FGF13: variants seen among roughly 807,000 people sequenced by gnomAD.
FGF13 encodes fibroblast growth factor homologous factor 2.
A neutral mutation model predicts 19.5 loss-of-function variants in FGF13; 2 were observed. The ratio of observed to expected loss-of-function variants is 0.10; its 90% CI spans 0.04 to 0.32. The LOEUF is 0.32. Ranked by LOEUF, FGF13 falls within the 10% of genes least tolerant of loss-of-function variation. The pLI is 1.00. For synonymous variants in FGF13, 72 were observed against 76.9 expected, an observed-to-expected ratio of 0.94 and a Z score of 0.33; for missense variants, 113 against 192.7, an observed-to-expected ratio of 0.59 and a Z score of 2.45.
intron 1 of FGF13, among the ~76,000 whole-genome samples, chrX:139,065,612 C>T: frequency 9.1e-6 from 1 of 110,186 alleles, no homozygotes; most frequent in Non-Finnish European, 1.9e-5. Flanking sequence ...TCAATACAAC[C>T]AGAAGAGCTA....
chrX:139,030,058 G>A (rs1158498220), intron 1 of FGF13, among the ~76,000 whole-genome samples: 2 of 111,734 alleles, frequency 1.8e-5, no homozygotes, highest in African/African-American at 6.5e-5. Context: ...AAAACATGTG[G>A]ACTGTCTGCA....
In FGF13 at chrX:139,078,052, TTTTG is replaced by T. The variant is rs747190110; in HGVS notation, c.-113+125360_-113+125363del. 2.7e-5 allele frequency among the ~76,000 whole-genome samples: 3 copies of T among 110,834 alleles called. No individual in the cohort carries two copies. The South Asian group carries it at 1.1e-3, about 42-fold the overall frequency. On this transcript the variant is annotated intron_variant, in intron 1 of 2. Coordinates refer to the FGF13 transcript ENST00000421460. ...GCCAGAGCTTAAGCTTGTGGTGGAT[TTTTG>T]TTTGTTTGTTTGTTTAGTTTCCACA...
At chrX:139,025,020 TC>T (rs1420198975) in intron 1 of FGF13, among the ~76,000 whole-genome samples, 1 of 110,804 alleles carries the variant, frequency 9.0e-6, no homozygotes, top group Non-Finnish European at 1.9e-5. Context: ...TCTCTGCATC[TC>T]CTCCCAGCCT....
At chrX:139,164,283 G>A (rs1043872462) in intron 1 of FGF13, among the ~76,000 whole-genome samples, 4 of 110,356 alleles carry the variant, frequency 3.6e-5, no homozygotes, top group Admixed American at 2.9e-4. Flanking sequence ...CTTCTATGTC[G>A]GGGAACCTCA....
At chrX:138,856,093 A>G (rs2091256218), downstream of FGF13, among the ~76,000 whole-genome samples, 1 of 111,095 alleles carries the variant, frequency 9.0e-6, no homozygotes, top group Admixed American at 9.7e-5. Flanking sequence ...ATTAAAGTAC[A>G]AAATAAAGTT....
chrX:138,624,900 C>A lies in FGF13; in HGVS notation c.*7950G>T, dbSNP rs1018148031. 8.1e-5 allele frequency: 9 copies of A among 111,549 alleles called. No homozygotes were observed. The highest frequency in any genetic ancestry group is 2.9e-4 in the African/African-American group (9 of 30,666). The allele number at this position is 111,549 out of a possible 1,213,427, so 9.2% of individuals were successfully genotyped here. ...ATCGACAAAACGAAAAGGCAACCTG[C>A]AGAATAGGAGAAAATATTTGCAAAC... On this transcript the variant is annotated 3_prime_UTR_variant, in exon 5 of 5. Transcript: ENST00000315930.
chrX:138,869,031 C>T (rs952456201), intron 1 of FGF13, among the ~76,000 whole-genome samples: 2 of 111,556 alleles, frequency 1.8e-5, no homozygotes, highest in Non-Finnish European at 3.8e-5. Context: ...ATCATGTGCA[C>T]CTCCATCTTT....
intron 3 of FGF13, among the ~76,000 whole-genome samples, chrX:138,636,266 C>T (rs1456071203): frequency 8.9e-6 from 1 of 111,777 alleles, no homozygotes; most frequent in Non-Finnish European, 1.9e-5. Flanking sequence ...CCATCCTTGC[C>T]TTACAGTAAC....
In FGF13 at chrX:138,857,592, G is replaced by A. The variant is rs756270099; in HGVS notation, c.50C>T (p.Ser17Phe). Reference sequence around the variant, plus strand: ...TTCGTGACACTTAGCACGAAAGGGGGACTCTTTTTTCTTTAATTCCGCAGA... The same window carrying A: ...TTCGTGACACTTAGCACGAAAGGGGAACTCTTTTTTCTTTAATTCCGCAGA... Residue 17 changes from serine (S) to phenylalanine (F), a missense_variant, in exon 3 of 3, where the codon TCC becomes TTC. Transcript: ENST00000421460. 5.8e-6 allele frequency: 7 copies of A among 1,207,314 alleles called. No individual in the cohort carries two copies. The highest frequency in any genetic ancestry group is 7.8e-6 in the Non-Finnish European group (7 of 892,707).
intron 1 of FGF13, among the ~76,000 whole-genome samples, chrX:139,112,410 A>G (rs2083609470): frequency 8.9e-6 from 1 of 112,053 alleles, no homozygotes; most frequent in African/African-American, 3.2e-5. Context: ...ATACTATACA[A>G]TTGACTCATT....
intron 3 of FGF13, among the ~76,000 whole-genome samples, chrX:138,638,748 T>A (rs2089212428): frequency 8.9e-6 from 1 of 112,181 alleles, no homozygotes; most frequent in Admixed American, 9.5e-5. Flanking sequence ...TAATACCATA[T>A]CATGAAATCA....
chrX:138,896,245 T>C (rs2091503383), intron 1 of FGF13, among the ~76,000 whole-genome samples: 1 of 111,918 alleles, frequency 8.9e-6, no homozygotes. Context: ...TGTGTATATA[T>C]ATTTTTATTT....
intron 3 of FGF13, chrX:138,806,225 T>C (rs2090866008): frequency 8.9e-6 from 1 of 111,933 alleles, no homozygotes; most frequent in Admixed American, 9.5e-5. Flanking sequence ...CTTTCTTATG[T>C]TTCAGAAGCA....
At chrX:138,702,862 T>G (rs192850136) in intron 3 of FGF13, 122 bp downstream of exon 3, 11 of 474,866 alleles carry the variant, frequency 2.3e-5, no homozygotes, top group Non-Finnish European at 3.7e-5. Context: ...CAATGAAATA[T>G]TTCCATCAAC....
intron 1 of FGF13, among the ~76,000 whole-genome samples, chrX:139,127,036 G>T (rs1474521572): frequency 9.0e-6 from 1 of 111,323 alleles, no homozygotes; most frequent in Non-Finnish European, 1.9e-5. Flanking sequence ...CTTTTCACTT[G>T]ATCATTTTCT....
chrX:138,989,653 C>G (rs969293370), intron 1 of FGF13, among the ~76,000 whole-genome samples: 5 of 109,805 alleles, frequency 4.6e-5, no homozygotes, highest in African/African-American at 1.3e-4. Context: ...AGATTGATTA[C>G]TTTTGATAGT....
At chrX:138,789,527 T>A (rs2090722303) in intron 3 of FGF13, among the ~76,000 whole-genome samples, 1 of 110,618 alleles carries the variant, frequency 9.0e-6, no homozygotes, top group South Asian at 3.8e-4. Context: ...TTGTCTACAG[T>A]GTTCTTCTTT....
chrX:138,908,385 CT>C lies in FGF13; in HGVS notation c.-112-43736del, dbSNP rs1168698905. 3.2e-3 allele frequency among the ~76,000 whole-genome samples: 295 copies of C among 93,162 alleles called. 1 individual carries two copies. Among genetic ancestry groups the C allele is most frequent in the Middle Eastern group, 0.017 (3 of 179 alleles). The allele number at this position is 93,162 out of a possible 115,157, so 80.9% of individuals were successfully genotyped here. ...AGCCACCGTGCCTGGCCATCATTTTCTTTTTTTTTTTTTTCAATTTTATCTA... is the reference window on the plus strand; with the variant it reads ...AGCCACCGTGCCTGGCCATCATTTTCTTTTTTTTTTTTTCAATTTTATCTA... On this transcript the variant is annotated intron_variant, in intron 1 of 2. Transcript: ENST00000421460.
At position 139,118,387 on chromosome X, in the gene FGF13, T is replaced by C. The variant is rs1006108887; in HGVS notation, c.-113+85029A>G. Among the ~76,000 whole-genome samples the C allele has an allele frequency of 2.7e-5, 3 of 111,627 alleles. No individual in the cohort carries two copies. The East Asian group carries it at 8.4e-4, about 31-fold the overall frequency. Reference sequence around the variant, plus strand: ...TAAATGCGTATTGCTTTCACACCATTATAAAGTTGAAAAATTGTAAGTCAA... The same window carrying C: ...TAAATGCGTATTGCTTTCACACCATCATAAAGTTGAAAAATTGTAAGTCAA... On this transcript the variant is annotated intron_variant, in intron 1 of 2. Transcript: ENST00000421460.
Sources: gnomAD v4.1 joint callset for allele counts (sites outside exome capture counted in the v4.1 genomes callset) on GRCh38, gnomAD v4.1.1 for gene constraint, MANE v1.5 for transcripts, NCBI Gene and HGNC (gene_info 2026-07-23, HGNC 2026-07-21) for gene names.